AVEN: variants seen among roughly 807,000 people sequenced by gnomAD.
AVEN encodes cell death regulator Aven.
A neutral mutation model predicts 38.1 loss-of-function variants in AVEN; 41 were observed. That is an observed-to-expected ratio of 1.08 (90% confidence interval 0.84 to 1.40). The LOEUF (loss-of-function observed/expected upper bound fraction) is 1.40, where lower values mean the gene tolerates loss of function less well. Among genes scored for constraint, AVEN ranks in the 40% most tolerant of loss-of-function variants. The pLI, the probability that AVEN is intolerant of heterozygous loss-of-function variation, is 0.00. For missense variants in AVEN, 605 were observed against 438.8 expected, an observed-to-expected ratio of 1.38 and a Z score of -3.38; for synonymous variants, 206 against 171.8, an observed-to-expected ratio of 1.20 and a Z score of -1.56.
intron 2 of AVEN, among the ~76,000 whole-genome samples, chr15:33,966,080 G>A (rs1326676691): frequency 6.6e-6 from 1 of 152,146 alleles, no homozygotes; most frequent in Non-Finnish European, 1.5e-5. Context: ...AGTACTGAGA[G>A]ATAATGATAT....
chr15:33,896,159 T>C (rs986561218), intron 2 of AVEN, among the ~76,000 whole-genome samples: 4 of 152,164 alleles, frequency 2.6e-5, no homozygotes, highest in Non-Finnish European at 4.4e-5. Context: ...AATACAAAAT[T>C]ATGACTGCAC....
chr15:33,854,763 C>A, downstream of AVEN: 2 of 1,599,196 alleles, frequency 1.3e-6, no homozygotes, highest in Non-Finnish European at 1.7e-6. Flanking sequence ...CTTCCATTCC[C>A]AGTCCTTTCT....
At chr15:33,855,317 C>A (rs1057342211), downstream of AVEN, among the ~76,000 whole-genome samples, 2 of 152,170 alleles carry the variant, frequency 1.3e-5, no homozygotes, top group African/African-American at 4.8e-5. Context: ...AATTCTCCTG[C>A]CTCAGCCTCC....
intron 2 of AVEN, among the ~76,000 whole-genome samples, chr15:33,904,710 T>TACACACACACACACACACAC (rs1369829949): frequency 1.1e-4 from 13 of 121,164 alleles, no homozygotes; most frequent in Admixed American, 4.2e-4. Context: ...TATATATATA[T>TACACACACACACACACACAC]ATATATACAC....
intron 2 of AVEN, among the ~76,000 whole-genome samples, chr15:33,924,408 C>A (rs1300555468): frequency 6.6e-6 from 1 of 152,102 alleles, no homozygotes; most frequent in Non-Finnish European, 1.5e-5. Context: ...TGGCACGACG[C>A]AGTCTTGACC....
At chr15:33,988,776 C>A (rs1048452153) in intron 2 of AVEN, among the ~76,000 whole-genome samples, 1 of 152,198 alleles carries the variant, frequency 6.6e-6, no homozygotes, top group Non-Finnish European at 1.5e-5. Flanking sequence ...TGATAAATGA[C>A]CTTGCTCTAT....
intron 3 of AVEN, among the ~76,000 whole-genome samples, chr15:33,874,808 T>C (rs962973505): frequency 2.0e-5 from 3 of 152,198 alleles, no homozygotes; most frequent in African/African-American, 7.2e-5. Context: ...TATTTGAAAC[T>C]CTGAAGCTAC....
At chr15:33,896,895 T>C (rs915964193) in intron 2 of AVEN, among the ~76,000 whole-genome samples, 1 of 152,208 alleles carries the variant, frequency 6.6e-6, no homozygotes, top group African/African-American at 2.4e-5. Context: ...AAGGTAGATA[T>C]TGTGCCCACC....
rs9672432 is a variant in AVEN at position 34,021,433 on chromosome 15, A to C, written c.267+17347T>G. Among the ~76,000 whole-genome samples the C allele has an allele frequency of 1.2e-3, 179 of 151,900 alleles. 1 individual carries two copies. Among genetic ancestry groups the C allele is most frequent in the African/African-American group, 4.1e-3 (171 of 41,400 alleles). ...CCTGAGTAGCTGGGATTTCAGGCAC[A>C]CACCACCATGCCCAGCTAAGTTTGT... On this transcript the variant is annotated intron_variant, in intron 1 of 5. Coordinates refer to ENST00000306730, the MANE Select transcript of AVEN (RefSeq NM_020371.3).
At chr15:33,911,467 T>C (rs1978498) in intron 2 of AVEN, among the ~76,000 whole-genome samples, 102,142 of 152,054 alleles carry the variant, frequency 0.67, 34,463 homozygotes, top group Middle Eastern at 0.74. Context: ...CATTATATAC[T>C]TTTCTTTCAC....
intron 2 of AVEN, among the ~76,000 whole-genome samples, chr15:33,984,950 C>T (rs922179335): frequency 4.6e-5 from 7 of 152,078 alleles, no homozygotes; most frequent in Non-Finnish European, 8.8e-5. Flanking sequence ...GATGAACCAA[C>T]CAATATTTTC....
rs10708965 is a variant in AVEN, at chr15:33,894,825, AT to A, written c.446-18831del. On this transcript the variant is annotated intron_variant, in intron 2 of 5. Transcript: ENST00000306730. The stretch of plus-strand genomic sequence containing the variant: ...ACACCATCTCAAAAAAAAAAAAATA[AT>A]AACAATAATAATAATAATAATAATA... 3.4e-3 allele frequency among the ~76,000 whole-genome samples: 296 copies of A among 87,656 alleles called. 3 individuals carry two copies. The highest frequency in any genetic ancestry group is 0.012 in the African/African-American group (287 of 23,914). The allele number at this position is 87,656 out of a possible 152,430, so 57.5% of individuals were successfully genotyped here. A position where few individuals can be genotyped will look rare whatever the true frequency, so the allele number is the denominator to read the frequency against.
At chr15:33,855,805 G>C (rs529707825), downstream of AVEN, 1 of 152,164 alleles carries the variant, frequency 6.6e-6, no homozygotes, top group African/African-American at 2.4e-5. Context: ...ATATATGGAA[G>C]ACTGGATATT....
Position 34,030,343 on chromosome 15 carries a change from G to T in AVEN, c.267+8437C>A, listed in dbSNP as rs529221519. Reference sequence around the variant, plus strand: ...TTTTGAGAATACTAGGTTTTGGGGGGTTTTTTGTTTTGTTTTGTTTGAGAC... The same window carrying T: ...TTTTGAGAATACTAGGTTTTGGGGGTTTTTTTGTTTTGTTTTGTTTGAGAC... On this transcript the variant is annotated intron_variant, in intron 1 of 5. Coordinates refer to ENST00000306730, the MANE Select transcript of AVEN (RefSeq NM_020371.3). Among the ~76,000 whole-genome samples the T allele has an allele frequency of 6.6e-5, 10 of 152,164 alleles. No individual in the cohort carries two copies. The South Asian group carries it at 1.9e-3, about 28-fold the overall frequency.
chr15:33,892,038 G>C (rs1274492717), intron 2 of AVEN, among the ~76,000 whole-genome samples: 1 of 152,222 alleles, frequency 6.6e-6, no homozygotes, highest in African/African-American at 2.4e-5. Flanking sequence ...CTTTCGAGAA[G>C]TGTCTGTTCA....
chr15:34,003,583 T>C (rs1380428987), intron 1 of AVEN, among the ~76,000 whole-genome samples: 1 of 152,242 alleles, frequency 6.6e-6, no homozygotes. Flanking sequence ...TTTATGGATA[T>C]GGATTTTACA....
chr15:33,948,605 ACAG>A (rs1894598083), intron 2 of AVEN, among the ~76,000 whole-genome samples: 3 of 152,220 alleles, frequency 2.0e-5, no homozygotes, highest in Admixed American at 6.5e-5. Context: ...CACGAACACT[ACAG>A]CAGGAGTTTG....
At chr15:33,910,490 G>C (rs1465871910) in intron 2 of AVEN, among the ~76,000 whole-genome samples, 1 of 152,242 alleles carries the variant, frequency 6.6e-6, no homozygotes, top group Non-Finnish European at 1.5e-5. Context: ...CGTGAAGATA[G>C]CTGCGCCAGT....
intron 2 of AVEN, among the ~76,000 whole-genome samples, chr15:33,912,739 T>C (rs1242473780): frequency 1.3e-5 from 2 of 152,158 alleles, no homozygotes; most frequent in Non-Finnish European, 1.5e-5. Context: ...CTCATGCCCA[T>C]TACACTCCCA....
Sources: allele counts gnomAD v4.1 joint callset (sites outside exome capture counted in the v4.1 genomes callset), GRCh38; gene constraint gnomAD v4.1.1; transcripts MANE v1.5; gene names NCBI Gene and HGNC (gene_info 2026-07-23, HGNC 2026-07-21).